The following NRG3 variants were observed in gnomAD, a reference collection of about 807,000 sequenced individuals.
NRG3 encodes neuregulin 3, also known as pro-neuregulin-3, membrane-bound isoform.
A neutral mutation model predicts 66.9 loss-of-function variants in NRG3; 31 were observed. The ratio of observed to expected loss-of-function variants is 0.46; its 90% confidence interval spans 0.35 to 0.63. The LOEUF (loss-of-function observed/expected upper bound fraction) is 0.63. Among genes scored for constraint, NRG3 ranks in the 20% least tolerant of loss-of-function variants. The probability of loss-of-function intolerance (pLI) is 0.00; values close to 1 mark genes in which losing one functional copy is unlikely to be tolerated. For synonymous variants in NRG3, 393 were observed against 359.4 expected, an observed-to-expected ratio of 1.09 and a Z score of -1.06; for missense variants, 910 against 878.9, an observed-to-expected ratio of 1.04 and a Z score of -0.45.
intron 2 of NRG3, among the ~76,000 whole-genome samples, chr10:82,723,050 G>A (rs2057396819): frequency 6.6e-6 from 1 of 152,080 alleles, no homozygotes; most frequent in South Asian, 2.1e-4. Flanking sequence ...ATTCACAACA[G>A]CAAAGACGTG....
At chr10:82,536,014 C>T (rs761062246) in intron 2 of NRG3, among the ~76,000 whole-genome samples, 1 of 151,678 alleles carries the variant, frequency 6.6e-6, no homozygotes, top group Non-Finnish European at 1.5e-5. Context: ...AGATATTCGC[C>T]AAATGGCATT....
intron 1 of NRG3, among the ~76,000 whole-genome samples, chr10:82,303,718 A>T (rs2080546401): frequency 6.6e-6 from 1 of 151,882 alleles, no homozygotes; most frequent in South Asian, 2.1e-4. Context: ...AAATACAAAA[A>T]TTAGCCGGGC....
chr10:82,544,838 T>A (rs2132802102), intron 2 of NRG3, among the ~76,000 whole-genome samples: 1 of 152,330 alleles, frequency 6.6e-6, no homozygotes, highest in South Asian at 2.1e-4. Flanking sequence ...ATATATACTA[T>A]GATAAAGTAA....
At chr10:81,949,524 ACTCT>A (rs1371661055) in intron 1 of NRG3, among the ~76,000 whole-genome samples, 2 of 151,942 alleles carry the variant, frequency 1.3e-5, no homozygotes, top group Non-Finnish European at 2.9e-5. Flanking sequence ...GCCCACTGGT[ACTCT>A]CTGTGTGATA....
chr10:81,986,279 A>G (rs1385437231), intron 1 of NRG3, among the ~76,000 whole-genome samples: 2 of 152,192 alleles, frequency 1.3e-5, no homozygotes, highest in African/African-American at 2.4e-5. Flanking sequence ...ATTTAATACT[A>G]GTACCCTTAA....
At chr10:82,852,411 G>A (rs937843215) in intron 3 of NRG3, among the ~76,000 whole-genome samples, 3 of 151,962 alleles carry the variant, frequency 2.0e-5, no homozygotes, top group Admixed American at 2.0e-4. Flanking sequence ...GTAAACCTAT[G>A]TAACAAGCTT....
At chr10:82,884,670 C>A (rs1842585754) in intron 4 of NRG3, among the ~76,000 whole-genome samples, 1 of 152,150 alleles carries the variant, frequency 6.6e-6, no homozygotes. Flanking sequence ...GTGTTTTCTA[C>A]TTCTAACTGA....
At chr10:82,338,981 A>G (rs994465448) in intron 1 of NRG3, among the ~76,000 whole-genome samples, 10 of 152,194 alleles carry the variant, frequency 6.6e-5, no homozygotes, top group Non-Finnish European at 1.3e-4. Context: ...TTTGCTTAAG[A>G]TGACACCAAC....
At chr10:82,246,185 T>C (rs546960089) in intron 1 of NRG3, among the ~76,000 whole-genome samples, 61 of 150,366 alleles carry the variant, frequency 4.1e-4, no homozygotes, top group African/African-American at 1.5e-3. Flanking sequence ...AAAGGCAGTT[T>C]CTGTGTTAGC....
intron 4 of NRG3, among the ~76,000 whole-genome samples, chr10:82,913,432 A>G (rs1049665229): frequency 3.4e-4 from 52 of 152,094 alleles, no homozygotes; most frequent in African/African-American, 1.2e-3. Context: ...TTTCTGACAT[A>G]TAATTTTCCT....
chr10:82,030,396 T>C (rs1273286040), intron 1 of NRG3, among the ~76,000 whole-genome samples: 1 of 152,096 alleles, frequency 6.6e-6, no homozygotes, highest in Non-Finnish European at 1.5e-5. Context: ...AACACAACTC[T>C]CTATACAAAC....
At chr10:82,036,955 A>T (rs2062818565) in intron 1 of NRG3, among the ~76,000 whole-genome samples, 1 of 152,160 alleles carries the variant, frequency 6.6e-6, no homozygotes, top group Non-Finnish European at 1.5e-5. Flanking sequence ...AGGTGATCAG[A>T]CTACTACCAC....
At position 81,875,745 on chromosome 10, in the gene NRG3, G is replaced by A. The variant is rs1841557394; in HGVS notation, c.405G>A (p.Thr135=). ...METTTTTTST[T]SPATPSAGGA... ...CCACCACCACTACCACTTCCACCAC[G>A]TCCCCCGCCACCCCCTCCGCCGGGG... The change falls in exon 1 of 9, where the codon ACG becomes ACA. Residue 135 remains threonine, a synonymous_variant. Transcript: ENST00000372141. This position sits in a 1 kb window ranked among gnomAD's most constrained non-coding sequence, Gnocchi z 5.3. The A allele has an allele frequency of 1.1e-5, 17 of 1,612,244 alleles. No homozygotes were observed. The highest frequency in any genetic ancestry group is 1.4e-5 in the Non-Finnish European group (16 of 1,179,652).
At chr10:82,140,142 A>C (rs2069661477) in intron 1 of NRG3, among the ~76,000 whole-genome samples, 1 of 152,260 alleles carries the variant, frequency 6.6e-6, no homozygotes, top group Admixed American at 6.5e-5. Flanking sequence ...TGTATATTTT[A>C]ACTGTTAATA....
At chr10:82,576,558 T>C (rs905197781) in intron 2 of NRG3, among the ~76,000 whole-genome samples, 1 of 151,718 alleles carries the variant, frequency 6.6e-6, no homozygotes, top group African/African-American at 2.4e-5. Context: ...TGAGGGTTCA[T>C]AGTTGGGGAA....
At chr10:82,945,399 T>A (rs983699269) in intron 4 of NRG3, among the ~76,000 whole-genome samples, 1 of 152,136 alleles carries the variant, frequency 6.6e-6, no homozygotes, top group Non-Finnish European at 1.5e-5. Flanking sequence ...GAGACCAAGG[T>A]TGGATGAAAA....
At chr10:82,690,152 GCAGA>G in intron 2 of NRG3, among the ~76,000 whole-genome samples, 1 of 152,206 alleles carries the variant, frequency 6.6e-6, no homozygotes, top group Middle Eastern at 3.4e-3. Context: ...GGTTACAATG[GCAGA>G]CAGAAATCTT....
intron 1 of NRG3, among the ~76,000 whole-genome samples, chr10:82,026,780 G>T (rs1331249121): frequency 6.6e-6 from 1 of 151,860 alleles, no homozygotes; most frequent in East Asian, 1.9e-4. Context: ...TGCAAGTTCA[G>T]TGAATACTGT....
intron 2 of NRG3, among the ~76,000 whole-genome samples, chr10:82,661,685 G>T (rs2052374588): frequency 6.6e-6 from 1 of 152,222 alleles, no homozygotes; most frequent in South Asian, 2.1e-4. Context: ...TCTGTAGCCA[G>T]AGCTAAGACC....
Sources: gnomAD v4.1 joint callset for allele counts (sites outside exome capture counted in the v4.1 genomes callset) on GRCh38, gnomAD v4.1.1 for gene constraint, Gnocchi (gnomAD v3.1) non-coding constraint, MANE v1.5 for transcripts, NCBI Gene and HGNC (gene_info 2026-07-23, HGNC 2026-07-21) for gene names.